Variants in GPR149 observed in about 807,000 individuals in gnomAD.
GPR149 encodes probable G protein-coupled receptor 149.
Under a neutral mutation model 50.2 loss-of-function variants are expected in GPR149, and 50 were observed. The observed-to-expected ratio is 1.00, with a 90% CI of 0.79 to 1.26. The LOEUF (loss-of-function observed/expected upper bound fraction) is 1.26. GPR149 is among the 50% of genes most tolerant of loss of function. The pLI, the probability that GPR149 is intolerant of heterozygous loss-of-function variation, is 0.00. For missense variants in GPR149, 983 were observed against 895.4 expected, an observed-to-expected ratio of 1.10 and a Z score of -1.25; for synonymous variants, 405 against 358.2, an observed-to-expected ratio of 1.13 and a Z score of -1.48.
At chr3:154,344,523 C>A (rs980918058) in intron 3 of GPR149, among the ~76,000 whole-genome samples, 7 of 152,048 alleles carry the variant, frequency 4.6e-5, no homozygotes, top group African/African-American at 1.7e-4. Flanking sequence ...GTGAATATGA[C>A]CTTATTTGGA....
intron 3 of GPR149, among the ~76,000 whole-genome samples, chr3:154,405,958 T>C (rs890405559): frequency 6.6e-6 from 1 of 151,790 alleles, no homozygotes; most frequent in African/African-American, 2.4e-5. Context: ...GGTAAAAAAA[T>C]ACTATAAACA....
chr3:154,369,117 G>A (rs909472240), intron 3 of GPR149, among the ~76,000 whole-genome samples: 3 of 152,142 alleles, frequency 2.0e-5, no homozygotes, highest in Non-Finnish European at 2.9e-5. Flanking sequence ...TAGGGAAGAC[G>A]AGTCCCAAGA....
At chr3:154,400,990 T>A (rs1711541594) in intron 3 of GPR149, among the ~76,000 whole-genome samples, 1 of 152,250 alleles carries the variant, frequency 6.6e-6, no homozygotes, top group Non-Finnish European at 1.5e-5. Context: ...TTTTTTGTTG[T>A]ATCACAGGAT....
Position 154,429,313 on chromosome 3 carries a change from G to C in GPR149, c.303C>G (p.Phe101Leu), listed in dbSNP as rs761033778. 1.9e-6 allele frequency: 3 copies of C among 1,614,190 alleles called. No homozygotes were observed. The highest frequency in any genetic ancestry group is 2.5e-6 in the Non-Finnish European group (3 of 1,180,036). Residue 101 changes from phenylalanine (F) to leucine (L), a missense_variant, in exon 1 of 4, where the codon TTC becomes TTG. Phe to Leu is a conservative substitution (Grantham distance 22). Transcript: ENST00000389740. ...AGGCAGAGGTGGTGCACAGAAATTG[G>C]AAGTAACCGGGGACCTCGTTTGGCC... ...LQWPNEVPGY[F>L]QFLCTTSALM...
intron 2 of GPR149, among the ~76,000 whole-genome samples, chr3:154,423,348 C>T (rs1297056121): frequency 2.0e-5 from 3 of 151,768 alleles, no homozygotes; most frequent in Non-Finnish European, 3.0e-5. Context: ...ACAGGTAAAA[C>T]GATATGAATT....
intron 3 of GPR149, among the ~76,000 whole-genome samples, chr3:154,373,887 C>T (rs1219157280): frequency 1.3e-5 from 2 of 152,106 alleles, no homozygotes; most frequent in Non-Finnish European, 2.9e-5. Context: ...TGATACAGGT[C>T]TGACATATAG....
chr3:154,369,823 A>C (rs1714620580), intron 3 of GPR149, among the ~76,000 whole-genome samples: 2 of 152,228 alleles, frequency 1.3e-5, no homozygotes, highest in African/African-American at 4.8e-5. Flanking sequence ...TCAGACCTTA[A>C]GTCCTACTGA....
intron 1 of GPR149, among the ~76,000 whole-genome samples, chr3:154,428,349 T>C (rs1324666308): frequency 6.6e-6 from 1 of 152,176 alleles, no homozygotes; most frequent in East Asian, 1.9e-4. Context: ...GACAATATCC[T>C]TGGCCACCAC....
chr3:154,387,871 A>G (rs1475833135), intron 3 of GPR149, among the ~76,000 whole-genome samples: 1 of 152,186 alleles, frequency 6.6e-6, no homozygotes, highest in Non-Finnish European at 1.5e-5. Context: ...ATTATTAAAC[A>G]ATACACGTCT....
chr3:154,387,320 T>G (rs1025480058), intron 3 of GPR149, among the ~76,000 whole-genome samples: 2 of 152,194 alleles, frequency 1.3e-5, no homozygotes, highest in Non-Finnish European at 2.9e-5. Flanking sequence ...TGAGGTACTG[T>G]CATTATCTGT....
chr3:154,361,645 C>A (rs766620563), intron 3 of GPR149, among the ~76,000 whole-genome samples: 4 of 151,936 alleles, frequency 2.6e-5, no homozygotes, highest in Non-Finnish European at 5.9e-5. Flanking sequence ...TGCTTTTTTT[C>A]TTTTCTCTAT....
At position 154,429,176 on chromosome 3, in the gene GPR149, G is replaced by A. The variant is rs1712410741; in HGVS notation, c.440C>T (p.Ser147Leu). The change falls in exon 1 of 4, where the codon TCG becomes TTG. Residue 147 changes from serine to leucine, a missense_variant. Transcript: ENST00000389740. ...CAGCACCACGCCGAGCACCTGGCCC[G>A]ATCTTCTGGAGGCTGTCTGGCTCCC... ...GVGSQTASRRSGQVLGVVLTV... is the reference protein window; with the variant it reads ...GVGSQTASRRLGQVLGVVLTV... 1.2e-6 allele frequency: 2 copies of A among 1,613,964 alleles called. No individual in the cohort carries two copies. Among genetic ancestry groups the A allele is most frequent in the Non-Finnish European group, 1.7e-6 (2 of 1,179,976 alleles).
chr3:154,371,748 T>C (rs766894098), intron 3 of GPR149, among the ~76,000 whole-genome samples: 1 of 152,066 alleles, frequency 6.6e-6, no homozygotes, highest in Non-Finnish European at 1.5e-5. Flanking sequence ...AGAGAACAAA[T>C]AGAAAGTAGA....
At chr3:154,366,536 C>G (rs1456987320) in intron 3 of GPR149, among the ~76,000 whole-genome samples, 1 of 152,188 alleles carries the variant, frequency 6.6e-6, no homozygotes, top group Non-Finnish European at 1.5e-5. Flanking sequence ...GAGACATTTA[C>G]ATCTATTCTC....
At chr3:154,421,555 G>A (rs1712148495) in intron 2 of GPR149, 68 bp from the exon 3 acceptor site, 2 of 722,654 alleles carry the variant, frequency 2.8e-6, no homozygotes, top group Non-Finnish European at 4.2e-6. Flanking sequence ...TATATATATA[G>A]CAAATAAAAA....
intron 3 of GPR149, among the ~76,000 whole-genome samples, chr3:154,417,029 A>G (rs552158244): frequency 6.6e-6 from 1 of 152,064 alleles, no homozygotes; most frequent in Non-Finnish European, 1.5e-5. Context: ...TTAAAAGAGA[A>G]AATAGAGTGA....
intron 3 of GPR149, chr3:154,353,348 G>A: frequency 7.0e-7 from 1 of 1,419,638 alleles, no homozygotes; most frequent in African/African-American, 1.4e-5. Context: ...CCCACTGTGG[G>A]CAAGTTGCAG....
rs764527641 is a variant in GPR149, at chr3:154,429,321, C to T, written c.295G>A (p.Gly99Ser). ...GTGGTGCACAGAAATTGGAAGTAAC[C>T]GGGGACCTCGTTTGGCCACTGCAAA... ...MFLQWPNEVP[G>S]YFQFLCTTSA... The change falls in exon 1 of 4, where the codon GGT becomes AGT. Residue 99 changes from glycine to serine, a missense_variant. Transcript: ENST00000389740. 1 of 1,614,146 alleles carries T rather than the reference C, an allele frequency of 6.2e-7. No homozygotes were observed. Among genetic ancestry groups the T allele is most frequent in the Middle Eastern group, 1.6e-4 (1 of 6,062 alleles).
chr3:154,406,288 GA>G (rs1397498751), intron 3 of GPR149, among the ~76,000 whole-genome samples: 2 of 152,086 alleles, frequency 1.3e-5, no homozygotes, highest in East Asian at 1.9e-4. Context: ...GAAGTGGTAG[GA>G]AAAAAGATCC....
Sources: gnomAD v4.1 joint callset for allele counts (sites outside exome capture counted in the v4.1 genomes callset) on GRCh38, gnomAD v4.1.1 for gene constraint, MANE v1.5 for transcripts, NCBI Gene and HGNC (gene_info 2026-07-23, HGNC 2026-07-21) for gene names.